Variants in DRC8 observed in about 807,000 individuals in gnomAD.
DRC8 encodes the protein dynein regulatory complex subunit 8.
At chr1:245,036,923 C>T in the DRC8 span, among the ~76,000 whole-genome samples, 1 of 152,224 alleles carries the variant, frequency 6.6e-6, no homozygotes, top group Non-Finnish European at 1.5e-5. Context: ...GGTAGCTCAA[C>T]CTTGTGAATA....
the DRC8 span, chr1:245,002,126 G>A: frequency 6.2e-7 from 1 of 1,602,140 alleles, no homozygotes; most frequent in South Asian, 1.1e-5. Flanking sequence ...GCTAGGGCCT[G>A]GGATACAACA....
chr1:245,109,471 G>C, the DRC8 span, among the ~76,000 whole-genome samples: 1 of 152,256 alleles, frequency 6.6e-6, no homozygotes, highest in East Asian at 1.9e-4. Context: ...CAAGGGTTCT[G>C]AGGTCTTTCC....
At chr1:245,025,880 A>C in the DRC8 span, among the ~76,000 whole-genome samples, 1 of 152,132 alleles carries the variant, frequency 6.6e-6, no homozygotes, top group Non-Finnish European at 1.5e-5. Flanking sequence ...GCCATGTAAG[A>C]TGTGCCTCTG....
chr1:244,972,932 G>A, the DRC8 span, among the ~76,000 whole-genome samples: 2 of 152,082 alleles, frequency 1.3e-5, no homozygotes, highest in Non-Finnish European at 2.9e-5. Context: ...AGGGTATTAT[G>A]AAATAAAGGC....
chr1:244,980,719 G>A, the DRC8 span, among the ~76,000 whole-genome samples: 3 of 152,220 alleles, frequency 2.0e-5, no homozygotes, highest in Non-Finnish European at 4.4e-5. Context: ...TTGGGTGCCT[G>A]TGAGGCATTC....
the DRC8 span, among the ~76,000 whole-genome samples, chr1:245,039,298 T>TAAAAAAAAAAAA: frequency 1.3e-5 from 1 of 79,872 alleles, no homozygotes; most frequent in African/African-American, 5.5e-5. Context: ...ACCTTGTCTC[T>TAAAAAAAAAAAA]ACAAAAAAAA....
At chr1:245,119,575 G>A in the DRC8 span, among the ~76,000 whole-genome samples, 2 of 151,514 alleles carry the variant, frequency 1.3e-5, no homozygotes, top group African/African-American at 4.9e-5. Flanking sequence ...AAGGCAGGAG[G>A]CTGAAGTGAG....
the DRC8 span, among the ~76,000 whole-genome samples, chr1:245,003,447 CA>C: frequency 6.6e-6 from 1 of 152,210 alleles, no homozygotes; most frequent in African/African-American, 2.4e-5. Context: ...GTAACTTGCC[CA>C]AGGTCTCACA....
the DRC8 span, among the ~76,000 whole-genome samples, chr1:245,048,316 T>C: frequency 2.0e-5 from 3 of 152,164 alleles, no homozygotes; most frequent in Non-Finnish European, 4.4e-5. Flanking sequence ...TGAGTGAAAA[T>C]GTTGTAACTA....
chr1:244,979,225 A>C, the DRC8 span, among the ~76,000 whole-genome samples: 1 of 150,456 alleles, frequency 6.6e-6, no homozygotes, highest in Non-Finnish European at 1.5e-5. Flanking sequence ...AGAGCATGGC[A>C]TATAGCTCAG....
chr1:244,971,977 G>T, the DRC8 span, among the ~76,000 whole-genome samples: 1 of 95,942 alleles, frequency 1.0e-5, no homozygotes, highest in Non-Finnish European at 2.4e-5. Flanking sequence ...AAAAAAAAAA[G>T]CCATTAGGAG....
chr1:245,008,082 G>A, the DRC8 span, among the ~76,000 whole-genome samples: 251 of 152,264 alleles, frequency 1.6e-3, 1 homozygote, highest in African/African-American at 5.4e-3. Context: ...TGGCTGAGGC[G>A]GGAGGATTGC....
chr1:245,044,667 A>G, the DRC8 span, among the ~76,000 whole-genome samples: 6 of 151,966 alleles, frequency 3.9e-5, no homozygotes, highest in Non-Finnish European at 8.8e-5. Context: ...CCCGGGTTCA[A>G]GGGATTCTCC....
At chr1:245,004,981 A>G in the DRC8 span, among the ~76,000 whole-genome samples, 1 of 152,210 alleles carries the variant, frequency 6.6e-6, no homozygotes, top group Non-Finnish European at 1.5e-5. Context: ...GAGTGTTTTT[A>G]TAATGAAAAG....
At chr1:245,003,252 G>A in the DRC8 span, among the ~76,000 whole-genome samples, 8,445 of 151,300 alleles carry the variant, frequency 0.056, 734 homozygotes, top group African/African-American at 0.19. Flanking sequence ...GTGAACACTG[G>A]TGTGTAAGTA....
the DRC8 span, among the ~76,000 whole-genome samples, chr1:245,014,805 G>A: frequency 3.9e-5 from 6 of 151,986 alleles, no homozygotes; most frequent in Middle Eastern, 3.2e-3. Flanking sequence ...TTTTCTCTAC[G>A]GTTGTAAAAG....
chr1:245,086,252 T>G, the DRC8 span, among the ~76,000 whole-genome samples: 1 of 152,218 alleles, frequency 6.6e-6, no homozygotes, highest in Non-Finnish European at 1.5e-5. Context: ...GGAAGTAATA[T>G]GTAAGATGTA....
At chr1:244,971,703 T>G in the DRC8 span, among the ~76,000 whole-genome samples, 1 of 152,270 alleles carries the variant, frequency 6.6e-6, no homozygotes, top group East Asian at 1.9e-4. Flanking sequence ...CAGCTAATAT[T>G]TACAAGGGAA....
At chr1:245,044,937 A>T in the DRC8 span, among the ~76,000 whole-genome samples, 1 of 150,880 alleles carries the variant, frequency 6.6e-6, no homozygotes, top group Non-Finnish European at 1.5e-5. Flanking sequence ...TGAAAAGATA[A>T]CTTCAATAAT....
Sources: gnomAD v4.1 joint callset for allele counts (sites outside exome capture counted in the v4.1 genomes callset) on GRCh38, gnomAD v4.1.1 for gene constraint, MANE v1.5 for transcripts, NCBI Gene and HGNC (gene_info 2026-07-23, HGNC 2026-07-21) for gene names.